UGGT2: variants seen among roughly 807,000 people sequenced by gnomAD.
The protein encoded by UGGT2 is UDP-glucose:glycoprotein glucosyltransferase 2.
UGGT2 carries 180 observed loss-of-function variants against 192.1 expected under a neutral mutation model. The observed-to-expected ratio is 0.94, with a 90% CI of 0.83 to 1.06. UGGT2 has a LOEUF of 1.06. Ranked by LOEUF, UGGT2 falls within the 50% of genes least tolerant of loss-of-function variation. The probability of loss-of-function intolerance (pLI) is 0.00; values close to 1 mark genes in which losing one functional copy is unlikely to be tolerated. For missense variants in UGGT2, 1,849 were observed against 1,795.7 expected (o/e 1.03, Z -0.54); for synonymous variants, 580 against 591.0 (o/e 0.98, Z 0.27).
intron 38 of UGGT2, among the ~76,000 whole-genome samples, chr13:95,807,918 T>G (rs1884399743): frequency 6.6e-6 from 1 of 152,168 alleles, no homozygotes; most frequent in East Asian, 1.9e-4. Context: ...CAGACTTTCA[T>G]GTTCTATCAG....
intron 20 of UGGT2, among the ~76,000 whole-genome samples, chr13:95,912,870 G>C (rs1445795484): frequency 6.6e-6 from 1 of 152,168 alleles, no homozygotes; most frequent in Non-Finnish European, 1.5e-5. Context: ...AAACAGCATG[G>C]TACTGGTACC....
intron 20 of UGGT2, among the ~76,000 whole-genome samples, chr13:95,917,979 C>T (rs1343302304): frequency 1.3e-5 from 2 of 152,082 alleles, no homozygotes; most frequent in Admixed American, 6.6e-5. Flanking sequence ...GACAGATCAT[C>T]GAGACAGAAA....
intron 21 of UGGT2, among the ~76,000 whole-genome samples, chr13:95,901,719 T>A (rs1190590740): frequency 6.6e-6 from 1 of 152,150 alleles, no homozygotes; most frequent in Admixed American, 6.6e-5. Context: ...ACTGAGGAAC[T>A]GAATTTAAAA....
intron 1 of UGGT2, among the ~76,000 whole-genome samples, chr13:96,038,059 A>T (rs1422035365): frequency 6.6e-6 from 1 of 152,240 alleles, no homozygotes; most frequent in Admixed American, 6.5e-5. Flanking sequence ...TGTTCACAAC[A>T]AAACAATAAG....
chr13:95,808,497 T>G (rs1884425587), intron 38 of UGGT2, among the ~76,000 whole-genome samples: 1 of 152,178 alleles, frequency 6.6e-6, no homozygotes, highest in African/African-American at 2.4e-5. Flanking sequence ...ATTTTCTTTT[T>G]TTTTTCTTTC....
intron 17 of UGGT2, among the ~76,000 whole-genome samples, chr13:95,932,415 T>C (rs2049319306): frequency 1.3e-5 from 2 of 152,024 alleles, no homozygotes; most frequent in East Asian, 3.9e-4. Context: ...TATTGGTCTA[T>C]AGAAATGCTA....
At chr13:96,000,148 A>G (rs1285666894) in intron 5 of UGGT2, among the ~76,000 whole-genome samples, 1 of 152,196 alleles carries the variant, frequency 6.6e-6, no homozygotes, top group Admixed American at 6.5e-5. Context: ...TTAGAAAACA[A>G]CTTTAACCTA....
At chr13:95,816,416 T>C (rs1036671400) in intron 38 of UGGT2, among the ~76,000 whole-genome samples, 10 of 152,078 alleles carry the variant, frequency 6.6e-5, no homozygotes, top group Non-Finnish European at 1.0e-4. Context: ...CCCATACTAC[T>C]AGGTATTTAC....
At chr13:95,994,202 A>G (rs1304354091) in intron 7 of UGGT2, among the ~76,000 whole-genome samples, 1 of 151,954 alleles carries the variant, frequency 6.6e-6, no homozygotes, top group Middle Eastern at 3.2e-3. Flanking sequence ...TGTTTCTCTA[A>G]GCACACTAAG....
intron 27 of UGGT2, among the ~76,000 whole-genome samples, chr13:95,883,217 A>G (rs750317912): frequency 5.9e-5 from 9 of 152,196 alleles, no homozygotes; most frequent in Non-Finnish European, 1.0e-4. Context: ...CTTTAGGCAA[A>G]AGATAATGCA....
chr13:95,882,763 G>A (rs2047529879), intron 27 of UGGT2, among the ~76,000 whole-genome samples: 1 of 152,146 alleles, frequency 6.6e-6, no homozygotes, highest in Admixed American at 6.5e-5. Flanking sequence ...ATCTCCATCA[G>A]CTGTTGAATA....
At chr13:95,938,283 G>A (rs969478494) in intron 16 of UGGT2, among the ~76,000 whole-genome samples, 4 of 152,162 alleles carry the variant, frequency 2.6e-5, no homozygotes, top group African/African-American at 7.2e-5. Context: ...AGAGAGGGGT[G>A]TAGGCAGAGG....
chr13:95,846,079 G>C lies in UGGT2; in HGVS notation c.4284+7464C>G, dbSNP rs375007537. Among the ~76,000 whole-genome samples, 690 of 152,286 alleles carry C rather than the reference G, an allele frequency of 4.5e-3. 2 individuals are homozygous for C. The highest frequency in any genetic ancestry group is 7.2e-3 in the Non-Finnish European group (490 of 68,018). On this transcript the variant is annotated intron_variant, in intron 36 of 38. Transcript: ENST00000376747. ...TTTGGGAGGGCAAGGCAGGCGGCTG[G>C]GAGGTGGAGGTTGTAGGGAGCCGAG...
chr13:95,867,483 A>G, intron 29 of UGGT2, 60 bp from the exon 30 acceptor site: 1 of 1,361,002 alleles, frequency 7.3e-7, no homozygotes, highest in South Asian at 1.3e-5. Flanking sequence ...TTATGATGGC[A>G]TAACAGAATA....
intron 22 of UGGT2, among the ~76,000 whole-genome samples, chr13:95,900,050 T>C (rs2048058801): frequency 6.6e-6 from 1 of 152,160 alleles, no homozygotes. Context: ...ATTCAGTTTT[T>C]TACTTAAACA....
intron 4 of UGGT2, among the ~76,000 whole-genome samples, chr13:96,022,637 TTTAAA>T (rs1444275180): frequency 2.0e-5 from 3 of 152,074 alleles, no homozygotes; most frequent in African/African-American, 7.2e-5. Flanking sequence ...TTTGCCATTT[TTTAAA>T]TTAAATACTT....
chr13:95,902,497 T>C (rs1407181069), intron 21 of UGGT2, among the ~76,000 whole-genome samples: 1 of 151,916 alleles, frequency 6.6e-6, no homozygotes, highest in Non-Finnish European at 1.5e-5. Context: ...ATAATGATTG[T>C]TTCTTCAAGA....
intron 9 of UGGT2, 80 bp from the exon 10 acceptor site, chr13:95,983,944 C>CA: frequency 1.1e-6 from 1 of 922,404 alleles, no homozygotes; most frequent in South Asian, 2.8e-5. Context: ...TAATCTAATA[C>CA]TTTGGATAAG....
chr13:95,968,431 A>G (rs1323473313), intron 12 of UGGT2, among the ~76,000 whole-genome samples: 1 of 152,118 alleles, frequency 6.6e-6, no homozygotes, highest in Non-Finnish European at 1.5e-5. Flanking sequence ...TCCCCACCCA[A>G]ATCTTACGCT....
Sources: allele counts gnomAD v4.1 joint callset (sites outside exome capture counted in the v4.1 genomes callset), GRCh38; gene constraint gnomAD v4.1.1; transcripts MANE v1.5; gene names NCBI Gene and HGNC (gene_info 2026-07-23, HGNC 2026-07-21).